PTPRM: variants seen among roughly 807,000 people sequenced by gnomAD.
PTPRM encodes receptor-type tyrosine-protein phosphatase mu.
In PTPRM, 47 loss-of-function variants were observed where a neutral mutation model predicts 186.7. The ratio of observed to expected loss-of-function variants is 0.25; its 90% confidence interval spans 0.20 to 0.32. PTPRM has a LOEUF of 0.32. Ranked by LOEUF, PTPRM falls within the 10% of genes least tolerant of loss-of-function variation. The pLI is 1.00. For synonymous variants in PTPRM, 668 were observed against 674.9 expected (o/e 0.99, Z 0.16); for missense variants, 1,494 against 1,865.0 (o/e 0.80, Z 3.66).
At chr18:7,636,513 G>T (rs2038316402) in intron 1 of PTPRM, among the ~76,000 whole-genome samples, 1 of 152,146 alleles carries the variant, frequency 6.6e-6, no homozygotes, top group Non-Finnish European at 1.5e-5. Flanking sequence ...AATACTGTGT[G>T]TCTCAGAATT....
intron 1 of PTPRM, among the ~76,000 whole-genome samples, chr18:7,650,624 T>C (rs2038677540): frequency 6.6e-6 from 1 of 152,208 alleles, no homozygotes; most frequent in African/African-American, 2.4e-5. Flanking sequence ...TATACATTCT[T>C]ATTCCTAGAA....
intron 1 of PTPRM, among the ~76,000 whole-genome samples, chr18:7,680,502 ATTGTG>A (rs1307738329): frequency 3.3e-5 from 5 of 152,146 alleles, no homozygotes; most frequent in Non-Finnish European, 4.4e-5. Context: ...GATGAGGGGA[ATTGTG>A]TTGTGGTGCC....
chr18:8,046,843 A>G (rs2078462348), intron 7 of PTPRM, among the ~76,000 whole-genome samples: 1 of 151,996 alleles, frequency 6.6e-6, no homozygotes, highest in East Asian at 1.9e-4. Flanking sequence ...AGACCCATCC[A>G]TACTCCTGGA....
At chr18:8,379,084 G>A (rs538323055) in intron 27 of PTPRM, 83 bp from the exon 28 acceptor site, 1 of 1,201,656 alleles carries the variant, frequency 8.3e-7, no homozygotes, top group East Asian at 2.7e-5. Context: ...GCCACAGGAA[G>A]TTTGCATCTT....
intron 2 of PTPRM, among the ~76,000 whole-genome samples, chr18:7,873,671 A>C (rs2048087447): frequency 1.3e-5 from 2 of 152,090 alleles, no homozygotes; most frequent in Admixed American, 1.3e-4. Flanking sequence ...ATGCCAAGAG[A>C]CTTCTTTTCT....
intron 1 of PTPRM, among the ~76,000 whole-genome samples, chr18:7,712,886 A>G (rs1430384778): frequency 6.6e-6 from 1 of 152,104 alleles, no homozygotes; most frequent in African/African-American, 2.4e-5. Context: ...GACCAAACCT[A>G]TGTTTGATTG....
intron 22 of PTPRM, among the ~76,000 whole-genome samples, chr18:8,323,566 C>T (rs17568569): frequency 0.051 from 7,810 of 152,174 alleles, 282 homozygotes; most frequent in Non-Finnish European, 0.081. Flanking sequence ...CCTCAATGCC[C>T]ACTTCATCAT....
rs564631281 is a variant in PTPRM at position 8,177,290 on chromosome 18, A to T, written c.2300+33511A>T. Among the ~76,000 whole-genome samples the T allele has an allele frequency of 3.9e-5, 6 of 152,318 alleles. No individual in the cohort carries two copies. In the East Asian group the frequency reaches 7.7e-4, roughly 20 times the overall value. ...ACCTCTTTGTTTATTCATTCAACACATTTTTTGAGAACCTACTGTTAAAAT... is the reference window on the plus strand; with the variant it reads ...ACCTCTTTGTTTATTCATTCAACACTTTTTTTGAGAACCTACTGTTAAAAT... On this transcript the variant is annotated intron_variant, in intron 14 of 32. Transcript: ENST00000580170.
intron 14 of PTPRM, among the ~76,000 whole-genome samples, chr18:8,241,593 A>G (rs2094435331): frequency 6.6e-6 from 1 of 152,174 alleles, no homozygotes. Flanking sequence ...ACTTGAAATG[A>G]CTTGAACCTC....
chr18:7,669,554 A>G (rs1301239187), intron 1 of PTPRM, among the ~76,000 whole-genome samples: 2 of 152,110 alleles, frequency 1.3e-5, no homozygotes, highest in African/African-American at 2.4e-5. Context: ...TTGCAGCAGG[A>G]AGCAGTGGAG....
intron 7 of PTPRM, among the ~76,000 whole-genome samples, chr18:7,997,461 A>G (rs1316840378): frequency 6.6e-6 from 1 of 152,206 alleles, no homozygotes; most frequent in Non-Finnish European, 1.5e-5. Flanking sequence ...GATTTGGTAC[A>G]TCATTGGTCT....
chr18:7,783,598 G>T (rs866343868), intron 2 of PTPRM, among the ~76,000 whole-genome samples: 1 of 151,978 alleles, frequency 6.6e-6, no homozygotes, highest in East Asian at 1.9e-4. Flanking sequence ...TAGAGATGGG[G>T]TCTTGCTTTG....
At chr18:7,741,976 C>T (rs1310625932) in intron 1 of PTPRM, 1 of 152,170 alleles carries the variant, frequency 6.6e-6, no homozygotes, top group African/African-American at 2.4e-5. Context: ...TCCATTCCTC[C>T]CAGTCCTGTA....
At chr18:8,281,463 G>C (rs575646163) in intron 19 of PTPRM, among the ~76,000 whole-genome samples, 1 of 152,134 alleles carries the variant, frequency 6.6e-6, no homozygotes. Context: ...AATCTGTGCC[G>C]TGCAGTAGGA....
At chr18:7,906,366 C>T in intron 3 of PTPRM, 139 bp from the exon 4 acceptor site, 1 of 681,504 alleles carries the variant, frequency 1.5e-6, no homozygotes, top group Admixed American at 2.4e-5. Context: ...GAACCTGGAA[C>T]ATTGACTAGC....
At chr18:7,757,371 C>T (rs1422088624) in intron 1 of PTPRM, among the ~76,000 whole-genome samples, 1 of 152,204 alleles carries the variant, frequency 6.6e-6, no homozygotes, top group African/African-American at 2.4e-5. Flanking sequence ...GACTGGATTG[C>T]TTTTGATGAA....
At chr18:8,333,849 ACC>A (rs976357422) in intron 22 of PTPRM, among the ~76,000 whole-genome samples, 1 of 151,686 alleles carries the variant, frequency 6.6e-6, no homozygotes, top group Non-Finnish European at 1.5e-5. Flanking sequence ...TTCAGTGTGT[ACC>A]CCCACCCACC....
At chr18:8,321,719 A>G (rs1475748015) in intron 22 of PTPRM, among the ~76,000 whole-genome samples, 1 of 152,228 alleles carries the variant, frequency 6.6e-6, no homozygotes, top group Non-Finnish European at 1.5e-5. Flanking sequence ...AACTGGCAGT[A>G]CTAACATCAC....
chr18:8,261,246 G>A (rs2094628300), intron 19 of PTPRM, among the ~76,000 whole-genome samples: 1 of 152,200 alleles, frequency 6.6e-6, no homozygotes, highest in Non-Finnish European at 1.5e-5. Flanking sequence ...GCTAAGGATG[G>A]GGAGCTGGGG....
Sources: gnomAD v4.1 joint callset for allele counts (sites outside exome capture counted in the v4.1 genomes callset) on GRCh38, gnomAD v4.1.1 for gene constraint, MANE v1.5 for transcripts, NCBI Gene and HGNC (gene_info 2026-07-23, HGNC 2026-07-21) for gene names.